The following BBS9 variants were observed in gnomAD, a reference collection of about 807,000 sequenced individuals.
The protein encoded by BBS9 is protein PTHB1.
BBS9 carries 89 observed loss-of-function variants against 117.7 expected under a neutral mutation model. That is an observed-to-expected ratio of 0.76 (90% CI 0.64 to 0.90). The LOEUF (loss-of-function observed/expected upper bound fraction) is 0.90. BBS9 is among the 40% of genes least tolerant of loss of function. The probability of loss-of-function intolerance (pLI) is 0.00; values close to 1 mark genes in which losing one functional copy is unlikely to be tolerated. For synonymous variants in BBS9, 379 were observed against 370.9 expected, an observed-to-expected ratio of 1.02 and a Z score of -0.25; for missense variants, 982 against 1,042.2, an observed-to-expected ratio of 0.94 and a Z score of 0.80.
intron 5 of BBS9, among the ~76,000 whole-genome samples, chr7:33,189,631 T>C (rs1243066303): frequency 1.3e-5 from 2 of 151,908 alleles, no homozygotes; most frequent in South Asian, 2.1e-4. Flanking sequence ...CTCACGCCTG[T>C]AATCCCAGCA....
At chr7:33,224,385 G>T (rs932954724) in intron 5 of BBS9, among the ~76,000 whole-genome samples, 2 of 152,152 alleles carry the variant, frequency 1.3e-5, no homozygotes, top group East Asian at 3.8e-4. Context: ...ATATCTGTCT[G>T]TTGTGTTTAT....
At chr7:33,592,460 G>A (rs1040640049) in intron 21 of BBS9, among the ~76,000 whole-genome samples, 2 of 152,072 alleles carry the variant, frequency 1.3e-5, no homozygotes, top group African/African-American at 4.8e-5. Context: ...CACTCTGTGT[G>A]TATTTCTCTT....
intron 17 of BBS9, among the ~76,000 whole-genome samples, chr7:33,381,519 G>C (rs981365068): frequency 2.0e-5 from 3 of 152,062 alleles, no homozygotes; most frequent in Non-Finnish European, 4.4e-5. Context: ...AGATTTAAAA[G>C]GTTCTTATAC....
chr7:33,163,171 G>T (rs946759100), intron 4 of BBS9, among the ~76,000 whole-genome samples: 1 of 152,202 alleles, frequency 6.6e-6, no homozygotes, highest in Non-Finnish European at 1.5e-5. Context: ...GCATCCCAGG[G>T]ATGAAGCTGA....
At chr7:33,524,505 C>G (rs564418927) in intron 20 of BBS9, among the ~76,000 whole-genome samples, 1 of 152,232 alleles carries the variant, frequency 6.6e-6, no homozygotes, top group East Asian at 1.9e-4. Context: ...GGAATTTATC[C>G]ATTTCTTCTA....
At chr7:33,610,956 C>G (rs1194111418), downstream of BBS9, among the ~76,000 whole-genome samples, 1 of 152,062 alleles carries the variant, frequency 6.6e-6, no homozygotes, top group African/African-American at 2.4e-5. Flanking sequence ...TCTTAGCAGC[C>G]ACTCCATGAA....
chr7:33,515,231 A>G (rs1847568228), intron 20 of BBS9, among the ~76,000 whole-genome samples: 1 of 152,222 alleles, frequency 6.6e-6, no homozygotes, highest in Admixed American at 6.5e-5. Context: ...ACATTTTATC[A>G]TACATTACTC....
chr7:33,294,333 C>T (rs1288265059), intron 9 of BBS9, among the ~76,000 whole-genome samples: 30 of 144,452 alleles, frequency 2.1e-4, no homozygotes, highest in African/African-American at 7.7e-4. Flanking sequence ...ATCTATCTAT[C>T]TATCTATCTA....
chr7:33,312,059 G>A (rs1428667174), intron 9 of BBS9, among the ~76,000 whole-genome samples: 1 of 152,202 alleles, frequency 6.6e-6, no homozygotes, highest in Non-Finnish European at 1.5e-5. Context: ...CACTTGCAAT[G>A]ACATACAATT....
At chr7:33,525,342 G>A (rs1383954108) in intron 20 of BBS9, among the ~76,000 whole-genome samples, 33 of 123,992 alleles carry the variant, frequency 2.7e-4, no homozygotes, top group African/African-American at 1.0e-3. Flanking sequence ...AATGTTGACA[G>A]TGGGGTGTTA....
intron 1 of BBS9, among the ~76,000 whole-genome samples, chr7:33,138,570 G>C (rs1790933129): frequency 1.3e-5 from 2 of 151,086 alleles, no homozygotes; most frequent in African/African-American, 4.8e-5. Flanking sequence ...TGAAAAGGGG[G>C]ATTTCAGGAG....
At chr7:33,562,345 G>A (rs1332563756) in intron 21 of BBS9, among the ~76,000 whole-genome samples, 2 of 152,086 alleles carry the variant, frequency 1.3e-5, no homozygotes, top group African/African-American at 2.4e-5. Context: ...TTTTAAATGT[G>A]CATGTCTGTA....
intron 5 of BBS9, among the ~76,000 whole-genome samples, chr7:33,231,551 A>C (rs972173390): frequency 3.4e-5 from 5 of 146,736 alleles, no homozygotes; most frequent in Non-Finnish European, 7.5e-5. Flanking sequence ...TTTTTTAGCT[A>C]TTTGGTTCCA....
chr7:33,192,953 T>G (rs1330809390), intron 5 of BBS9, among the ~76,000 whole-genome samples: 1 of 152,190 alleles, frequency 6.6e-6, no homozygotes, highest in Admixed American at 6.5e-5. Context: ...TTAATACCAC[T>G]ACAATGGGAA....
chr7:33,378,505 C>T (rs1824320534), intron 17 of BBS9, among the ~76,000 whole-genome samples: 1 of 152,254 alleles, frequency 6.6e-6, no homozygotes, highest in South Asian at 2.1e-4. Flanking sequence ...AGTCTTTGCC[C>T]AATATGGGGG....
At chr7:33,536,458 G>C (rs1318790161) in intron 21 of BBS9, among the ~76,000 whole-genome samples, 1 of 152,070 alleles carries the variant, frequency 6.6e-6, no homozygotes, top group African/African-American at 2.4e-5. Context: ...ATACTTTTGA[G>C]GTAGAAGAGA....
At chr7:33,389,466 G>T (rs917362963) in intron 19 of BBS9, among the ~76,000 whole-genome samples, 2 of 152,038 alleles carry the variant, frequency 1.3e-5, no homozygotes, top group Non-Finnish European at 2.9e-5. Flanking sequence ...TAGGCGGGCG[G>T]ATCACGAGGT....
intron 5 of BBS9, among the ~76,000 whole-genome samples, chr7:33,242,345 A>G (rs1794672115): frequency 6.6e-6 from 1 of 151,896 alleles, no homozygotes; most frequent in Non-Finnish European, 1.5e-5. Context: ...TACTGGGGAG[A>G]TAAAGTCAAT....
At chr7:33,177,613 G>A (rs753859931) in intron 5 of BBS9, 22 bp downstream of exon 5, 3 of 1,460,810 alleles carry the variant, frequency 2.1e-6, no homozygotes, top group Non-Finnish European at 2.9e-6. Flanking sequence ...TTAATCATGA[G>A]TATGCTATTT....
Sources: allele counts gnomAD v4.1 joint callset (sites outside exome capture counted in the v4.1 genomes callset), GRCh38; gene constraint gnomAD v4.1.1; transcripts MANE v1.5; gene names NCBI Gene and HGNC (gene_info 2026-07-23, HGNC 2026-07-21).